GRID2: variants seen among roughly 807,000 people sequenced by gnomAD.
The protein encoded by GRID2 is glutamate ionotropic receptor delta type subunit 2, also known as glutamate receptor ionotropic, delta-2.
Under a neutral mutation model 114.8 loss-of-function variants are expected in GRID2, and 33 were observed. The ratio of observed to expected loss-of-function variants is 0.29; its 90% CI spans 0.22 to 0.38. The LOEUF is 0.38. Ranked by LOEUF, GRID2 falls within the 10% of genes least tolerant of loss-of-function variation. The probability of loss-of-function intolerance (pLI) is 1.00; values close to 1 mark genes in which losing one functional copy is unlikely to be tolerated. For synonymous variants in GRID2, 505 were observed against 449.9 expected (o/e 1.12, Z -1.55); for missense variants, 1,184 against 1,257.7 (o/e 0.94, Z 0.89).
chr4:92,419,178 T>C (rs1416919161), intron 1 of GRID2, among the ~76,000 whole-genome samples: 1 of 152,154 alleles, frequency 6.6e-6, no homozygotes, highest in Non-Finnish European at 1.5e-5. Flanking sequence ...TAAACTGTAC[T>C]CTAATCAGTC....
chr4:93,559,537 T>G (rs1191104356), intron 13 of GRID2, among the ~76,000 whole-genome samples: 1 of 152,168 alleles, frequency 6.6e-6, no homozygotes, highest in Non-Finnish European at 1.5e-5. Flanking sequence ...AGATACCATC[T>G]CATGCTAGTT....
At chr4:92,598,304 G>T (rs1361587625) in intron 2 of GRID2, among the ~76,000 whole-genome samples, 1 of 152,102 alleles carries the variant, frequency 6.6e-6, no homozygotes, top group African/African-American at 2.4e-5. Context: ...TCCATTGGCT[G>T]CCCTGTCGTC....
intron 4 of GRID2, among the ~76,000 whole-genome samples, chr4:93,112,592 C>T (rs1349367120): frequency 6.6e-6 from 1 of 152,122 alleles, no homozygotes; most frequent in African/African-American, 2.4e-5. Context: ...GAAAATTAAA[C>T]TGTTTTCATT....
At chr4:92,578,634 C>T (rs754994435) in intron 1 of GRID2, among the ~76,000 whole-genome samples, 24 of 152,156 alleles carry the variant, frequency 1.6e-4, no homozygotes, top group Non-Finnish European at 2.9e-4. Context: ...TCATCCCAGT[C>T]ACTCTGGAGG....
At chr4:93,725,552 T>G (rs1289064530) in intron 14 of GRID2, among the ~76,000 whole-genome samples, 10 of 151,722 alleles carry the variant, frequency 6.6e-5, no homozygotes, top group African/African-American at 2.4e-4. Flanking sequence ...CCCTGAGGAA[T>G]CGCCACACTG....
At chr4:93,089,053 T>C (rs1203737165) in intron 3 of GRID2, among the ~76,000 whole-genome samples, 1 of 152,114 alleles carries the variant, frequency 6.6e-6, no homozygotes, top group Non-Finnish European at 1.5e-5. Flanking sequence ...GTAGTTATTA[T>C]TTTATTATTA....
intron 2 of GRID2, among the ~76,000 whole-genome samples, chr4:92,660,552 A>AAG (rs1220509222): frequency 6.6e-6 from 1 of 151,256 alleles, no homozygotes; most frequent in African/African-American, 2.4e-5. Flanking sequence ...TATTACTTAG[A>AAG]AGAGTCTTAC....
intron 8 of GRID2, among the ~76,000 whole-genome samples, chr4:93,374,591 TA>T (rs1206630181): frequency 1.4e-5 from 2 of 140,402 alleles, no homozygotes; most frequent in Non-Finnish European, 1.5e-5. Context: ...TATATAATTT[TA>T]ACAATTTAAG....
chr4:93,629,451 C>A (rs889291529), intron 14 of GRID2, among the ~76,000 whole-genome samples: 2 of 152,110 alleles, frequency 1.3e-5, no homozygotes, highest in Non-Finnish European at 2.9e-5. Flanking sequence ...AATTTATCAC[C>A]CAAAACCTCT....
In GRID2 at chr4:92,992,300, A is replaced by T. The variant is rs566547569; in HGVS notation, c.245-92695A>T. On this transcript the variant is annotated intron_variant, in intron 2 of 15. Coordinates refer to ENST00000282020, the MANE Select transcript of GRID2 (RefSeq NM_001510.4). Reference sequence around the variant, plus strand: ...ATTATAGTGATGTCTCTGAGAATGGATGATAAATATTGTTTCATGGCAACT... The same window carrying T: ...ATTATAGTGATGTCTCTGAGAATGGTTGATAAATATTGTTTCATGGCAACT... Among the ~76,000 whole-genome samples, 7 of 152,258 alleles carry T rather than the reference A, an allele frequency of 4.6e-5. No individual in the cohort carries two copies. The East Asian group carries it at 1.4e-3, about 29-fold the overall frequency.
At chr4:92,739,433 T>A (rs984442394) in intron 2 of GRID2, among the ~76,000 whole-genome samples, 3 of 152,156 alleles carry the variant, frequency 2.0e-5, no homozygotes, top group African/African-American at 4.8e-5. Flanking sequence ...AACATTTTTT[T>A]TTTCTAGTTT....
At chr4:93,250,669 A>G (rs2149530694) in intron 8 of GRID2, among the ~76,000 whole-genome samples, 1 of 146,796 alleles carries the variant, frequency 6.8e-6, no homozygotes, top group East Asian at 2.0e-4. Context: ...ATATATTTAT[A>G]TATTTTATAT....
At chr4:92,694,967 C>T (rs1734354961) in intron 2 of GRID2, among the ~76,000 whole-genome samples, 1 of 151,124 alleles carries the variant, frequency 6.6e-6, no homozygotes, top group African/African-American at 2.4e-5. Context: ...TATCAGATTT[C>T]ATTTTGTTTT....
At position 92,948,318 on chromosome 4, in the gene GRID2, T is replaced by C. The variant is rs574186637; in HGVS notation, c.245-136677T>C. 7.9e-5 allele frequency among the ~76,000 whole-genome samples: 12 copies of C among 152,016 alleles called. No homozygotes were observed. The South Asian group carries it at 2.5e-3, about 31-fold the overall frequency. ...GCTACTTGTATTTGAAAGTGAAGAA[T>C]AAAGCATTTATGGCTTTAGTGGGTA... On this transcript the variant is annotated intron_variant, in intron 2 of 15. Coordinates refer to ENST00000282020, the MANE Select transcript of GRID2 (RefSeq NM_001510.4).
At chr4:92,686,325 A>G (rs1733904447) in intron 2 of GRID2, among the ~76,000 whole-genome samples, 1 of 152,098 alleles carries the variant, frequency 6.6e-6, no homozygotes, top group South Asian at 2.1e-4. Context: ...AAAATAAATA[A>G]TAATAAAATT....
chr4:92,533,617 T>C (rs1272573855), intron 1 of GRID2, among the ~76,000 whole-genome samples: 3 of 152,138 alleles, frequency 2.0e-5, no homozygotes, highest in African/African-American at 7.2e-5. Flanking sequence ...CCCCTTTCTT[T>C]ATTTTTTTGT....
chr4:92,377,185 A>G (rs904345565), intron 1 of GRID2, among the ~76,000 whole-genome samples: 1 of 152,110 alleles, frequency 6.6e-6, no homozygotes, highest in African/African-American at 2.4e-5. Flanking sequence ...ACAGCACCCA[A>G]GTCACCTCTT....
At chr4:93,052,878 G>A (rs1031014867) in intron 2 of GRID2, among the ~76,000 whole-genome samples, 2 of 151,730 alleles carry the variant, frequency 1.3e-5, no homozygotes, top group South Asian at 2.1e-4. Flanking sequence ...CATCCTAAGC[G>A]TTTTATTCTT....
intron 2 of GRID2, among the ~76,000 whole-genome samples, chr4:92,968,649 T>C (rs529111058): frequency 7.9e-5 from 12 of 152,056 alleles, no homozygotes; most frequent in Middle Eastern, 3.4e-3. Flanking sequence ...TAGATTCACA[T>C]AGTTGTACAA....
Sources: gnomAD v4.1 joint callset for allele counts (sites outside exome capture counted in the v4.1 genomes callset) on GRCh38, gnomAD v4.1.1 for gene constraint, MANE v1.5 for transcripts, NCBI Gene and HGNC (gene_info 2026-07-23, HGNC 2026-07-21) for gene names.